The following SETD3 variants were observed in gnomAD, a reference collection of about 807,000 sequenced individuals.
The protein encoded by SETD3 is actin-histidine N-methyltransferase.
Under a neutral mutation model 63.0 loss-of-function variants are expected in SETD3, and 19 were observed. The observed-to-expected ratio is 0.30, with a 90% CI of 0.21 to 0.44. The LOEUF is 0.44. SETD3 is among the 20% of genes least tolerant of loss of function. The pLI is 1.00. For synonymous variants in SETD3, 286 were observed against 264.1 expected, an observed-to-expected ratio of 1.08 and a Z score of -0.80; for missense variants, 587 against 728.5, an observed-to-expected ratio of 0.81 and a Z score of 2.24.
intron 9 of SETD3, among the ~76,000 whole-genome samples, chr14:99,405,727 A>G (rs1440110669): frequency 2.0e-5 from 3 of 152,210 alleles, no homozygotes; most frequent in African/African-American, 7.2e-5. Context: ...TATTACTATA[A>G]GACTGTATTT....
At chr14:99,453,232 G>A (rs1894563869) in intron 6 of SETD3, among the ~76,000 whole-genome samples, 1 of 152,156 alleles carries the variant, frequency 6.6e-6, no homozygotes, top group African/African-American at 2.4e-5. Flanking sequence ...ACTGAGATGA[G>A]AAAATACGAC....
chr14:99,427,405 T>C (rs1378167079), intron 6 of SETD3, among the ~76,000 whole-genome samples: 1 of 152,212 alleles, frequency 6.6e-6, no homozygotes, highest in Non-Finnish European at 1.5e-5. Flanking sequence ...ATATTTACTG[T>C]GCTACTCTTG....
In SETD3 at chr14:99,419,781, AAAAAC is replaced by A. The variant is rs1489133150; in HGVS notation, c.676-5852_676-5848del. On this transcript the variant is annotated intron_variant, in intron 6 of 12. Transcript: ENST00000331768. Reference sequence around the variant, plus strand: ...CAGAGCGAGACTCCGTCTCAAAAAAAAAAACAAAAAAAAAAACCTTTTTATTAGCT... The same window carrying A: ...CAGAGCGAGACTCCGTCTCAAAAAAAAAAAAAAAAAACCTTTTTATTAGCT... Among the ~76,000 whole-genome samples the A allele has an allele frequency of 3.4e-3, 505 of 150,046 alleles. 2 individuals are homozygous for A. Among genetic ancestry groups the A allele is most frequent in the African/African-American group, 0.012 (481 of 40,784 alleles).
At chr14:99,423,630 T>A (rs1892715679) in intron 6 of SETD3, among the ~76,000 whole-genome samples, 1 of 77,894 alleles carries the variant, frequency 1.3e-5, no homozygotes, top group East Asian at 4.7e-4. Context: ...GGCACTAAGA[T>A]GCCATCAGTA....
Position 99,455,584 on chromosome 14 carries a change from C to T in SETD3, c.675+2695G>A, listed in dbSNP as rs375482173. ...CAGGAAGGGATCTGGAATCAGCTAA[C>T]GAGAAGACATTCATGAGAAAATGGT... On this transcript the variant is annotated intron_variant, in intron 6 of 12. Coordinates refer to ENST00000331768, the MANE Select transcript of SETD3 (RefSeq NM_032233.3). Among the ~76,000 whole-genome samples, 45 of 152,262 alleles carry T rather than the reference C, an allele frequency of 3.0e-4. No homozygotes were observed. The South Asian group carries it at 8.7e-3, about 29-fold the overall frequency.
chr14:99,441,578 T>A (rs746316654), intron 6 of SETD3, among the ~76,000 whole-genome samples: 3 of 152,176 alleles, frequency 2.0e-5, no homozygotes, highest in Non-Finnish European at 4.4e-5. Flanking sequence ...GTCTTCACGG[T>A]CAGAAGAGAC....
At chr14:99,460,568 A>T (rs1595252543) in intron 4 of SETD3, among the ~76,000 whole-genome samples, 1 of 151,962 alleles carries the variant, frequency 6.6e-6, no homozygotes, top group South Asian at 2.1e-4. Context: ...CCTTCTCCCA[A>T]ACTTGGCCAA....
intron 6 of SETD3, among the ~76,000 whole-genome samples, chr14:99,441,999 T>G (rs1222374926): frequency 2.0e-5 from 3 of 152,176 alleles, no homozygotes; most frequent in Non-Finnish European, 4.4e-5. Context: ...CCAGGCATTT[T>G]AAACAGTCCC....
chr14:99,458,655 A>AGGC, intron 5 of SETD3, 120 bp from the exon 6 acceptor site: 1 of 1,301,374 alleles, frequency 7.7e-7, no homozygotes, highest in East Asian at 2.5e-5. Flanking sequence ...AGTCAGGTAC[A>AGGC]GGCTGGGCGC....
At chr14:99,424,342 A>G (rs1278672097) in intron 6 of SETD3, among the ~76,000 whole-genome samples, 2 of 152,202 alleles carry the variant, frequency 1.3e-5, no homozygotes, top group African/African-American at 4.8e-5. Flanking sequence ...AGCAGGAAGA[A>G]CGAAGCAGGA....
chr14:99,458,774 CAAAAAAAA>C (rs5810953), intron 5 of SETD3, among the ~76,000 whole-genome samples: 7 of 89,548 alleles, frequency 7.8e-5, no homozygotes, highest in Admixed American at 5.3e-4. Context: ...CCCATCACTA[CAAAAAAAA>C]AAAAAAAAAA....
intron 3 of SETD3, 86 bp from the exon 4 acceptor site, chr14:99,461,426 T>C: frequency 2.2e-6 from 3 of 1,343,258 alleles, no homozygotes; most frequent in Non-Finnish European, 3.1e-6. Context: ...AAACAGGCCA[T>C]AACTAACACT....
chr14:99,475,279 A>G (rs1595283539), intron 1 of SETD3, among the ~76,000 whole-genome samples: 1 of 152,358 alleles, frequency 6.6e-6, no homozygotes, highest in East Asian at 1.9e-4. Flanking sequence ...CGTGTTTAAG[A>G]TCATGGTGCC....
chr14:99,485,071 T>C (rs1454887148), upstream of SETD3, among the ~76,000 whole-genome samples: 1 of 152,236 alleles, frequency 6.6e-6, no homozygotes, highest in Non-Finnish European at 1.5e-5. Context: ...AACAGGTTTA[T>C]AGACCTGAGG....
chr14:99,401,533 T>A (rs768542080), intron 11 of SETD3, among the ~76,000 whole-genome samples: 1 of 152,212 alleles, frequency 6.6e-6, no homozygotes, highest in Non-Finnish European at 1.5e-5. Flanking sequence ...ACATGACAAA[T>A]TGTCTATGAC....
chr14:99,443,550 T>C (rs1426694896), intron 6 of SETD3, among the ~76,000 whole-genome samples: 1 of 152,090 alleles, frequency 6.6e-6, no homozygotes, highest in East Asian at 1.9e-4. Context: ...CTGTGCCTGG[T>C]CCCATGATTT....
Position 99,452,319 on chromosome 14 carries a change from C to G in SETD3, c.675+5960G>C, listed in dbSNP as rs185026011. On this transcript the variant is annotated intron_variant, in intron 6 of 12. Coordinates refer to ENST00000331768, the MANE Select transcript of SETD3 (RefSeq NM_032233.3). ...ACGAGGTTTCACCATGTTGGCCAGG[C>G]TGGTCTCAAACTCTTGACCTCGTGA... 3.1e-3 allele frequency among the ~76,000 whole-genome samples: 468 copies of G among 152,328 alleles called. 3 individuals are homozygous for G. The highest frequency in any genetic ancestry group is 0.011 in the African/African-American group (450 of 41,586).
upstream of SETD3, among the ~76,000 whole-genome samples, chr14:99,485,154 T>G (rs1363864091): frequency 6.6e-6 from 1 of 152,234 alleles, no homozygotes; most frequent in Non-Finnish European, 1.5e-5. Context: ...ATATTTTCAC[T>G]ACATTTCATG....
rs771333560 is a variant in SETD3 at position 99,461,159 on chromosome 14, A to G, written c.345+33T>C. On this transcript the variant is annotated intron_variant, in intron 4 of 12. Transcript: ENST00000331768. ...ACAGCACACCACAGTTCAAACACAT[A>G]GACCCCTTGAGACCAACATTTTATA... The G allele has an allele frequency of 1.9e-6, 3 of 1,611,674 alleles. No individual in the cohort carries two copies. In the Admixed American group the frequency reaches 5.0e-5, roughly 27 times the overall value.
Sources: gnomAD v4.1 joint callset for allele counts (sites outside exome capture counted in the v4.1 genomes callset) on GRCh38, gnomAD v4.1.1 for gene constraint, MANE v1.5 for transcripts, NCBI Gene and HGNC (gene_info 2026-07-23, HGNC 2026-07-21) for gene names.